Variants in CCDC171 observed in about 807,000 individuals in gnomAD.
CCDC171 encodes the protein coiled-coil domain containing 171.
A neutral mutation model predicts 168.2 loss-of-function variants in CCDC171; 177 were observed. The ratio of observed to expected loss-of-function variants is 1.05; its 90% CI spans 0.93 to 1.19. The LOEUF is 1.19. Among genes scored for constraint, CCDC171 ranks in the 50% most tolerant of loss-of-function variants. CCDC171 has a pLI of 0.00. For synonymous variants in CCDC171, 687 were observed against 540.8 expected (o/e 1.27, Z -3.75); for missense variants, 1,991 against 1,539.0 (o/e 1.29, Z -4.91).
intron 2 of CCDC171, among the ~76,000 whole-genome samples, chr9:15,568,231 C>T (rs189391156): frequency 2.7e-5 from 4 of 149,944 alleles, no homozygotes; most frequent in African/African-American, 7.4e-5. Context: ...ATTTCTTTTA[C>T]ATTGCATGAT....
At chr9:15,667,836 A>G (rs139631133) in intron 9 of CCDC171, among the ~76,000 whole-genome samples, 93 of 152,278 alleles carry the variant, frequency 6.1e-4, no homozygotes, top group Non-Finnish European at 1.0e-3. Context: ...TAAACCAATA[A>G]TTCTTAACTG....
chr9:15,609,282 T>A (rs2043475578), intron 6 of CCDC171, among the ~76,000 whole-genome samples: 1 of 152,064 alleles, frequency 6.6e-6, no homozygotes, highest in Non-Finnish European at 1.5e-5. Context: ...TATTTTTTTT[T>A]ATTTTTAGTA....
intron 6 of CCDC171, among the ~76,000 whole-genome samples, chr9:15,621,087 T>G (rs1564066908): frequency 6.6e-6 from 1 of 152,172 alleles, no homozygotes; most frequent in Non-Finnish European, 1.5e-5. Context: ...TGCCTCAGCC[T>G]CCCATAGTAG....
intron 18 of CCDC171, among the ~76,000 whole-genome samples, chr9:15,763,229 T>C (rs894898121): frequency 2.0e-5 from 3 of 152,196 alleles, no homozygotes; most frequent in Admixed American, 6.5e-5. Flanking sequence ...CTTCCCAATA[T>C]TGAGGTATGA....
chr9:15,740,229 A>G (rs1207657792), intron 16 of CCDC171, among the ~76,000 whole-genome samples: 2 of 152,110 alleles, frequency 1.3e-5, no homozygotes, highest in African/African-American at 4.8e-5. Flanking sequence ...ATAAAATGTC[A>G]GGTATAGATC....
At chr9:15,612,440 G>T (rs2043766177) in intron 6 of CCDC171, among the ~76,000 whole-genome samples, 1 of 152,038 alleles carries the variant, frequency 6.6e-6, no homozygotes, top group South Asian at 2.1e-4. Flanking sequence ...TGGTGTTTTA[G>T]GAGAGATGAT....
rs551082356 is a variant in CCDC171, at chr9:15,764,349, G to A, written c.2672-13251G>A. ...CTTCTATCAGTAGTTAAAGGTGTAG[G>A]TAGTAAGGGTGCAGTGTTCTAAGAT... is the stretch of plus-strand genomic sequence containing the variant. On this transcript the variant is annotated intron_variant, in intron 18 of 25. Coordinates refer to ENST00000380701, the MANE Select transcript of CCDC171 (RefSeq NM_173550.4). Among the ~76,000 whole-genome samples the A allele has an allele frequency of 2.6e-5, 4 of 152,322 alleles. No homozygotes were observed. The East Asian group carries it at 5.8e-4, about 22-fold the overall frequency.
the CCDC171 span, among the ~76,000 whole-genome samples, chr9:16,068,824 G>T: frequency 6.6e-6 from 1 of 150,744 alleles, no homozygotes; most frequent in Non-Finnish European, 1.5e-5. Context: ...CTCACACCCA[G>T]CTGCTAAATT....
At chr9:15,750,489 C>G (rs948968681) in intron 18 of CCDC171, among the ~76,000 whole-genome samples, 13 of 152,096 alleles carry the variant, frequency 8.5e-5, no homozygotes, top group African/African-American at 3.1e-4. Context: ...ATCCTGATAC[C>G]AAAGCCTGGC....
At chr9:16,022,428 G>C (rs1330672087) in exon 5 of CCDC171, 2 of 152,314 alleles carry the variant, frequency 1.3e-5, no homozygotes, top group Non-Finnish European at 2.9e-5. Flanking sequence ...CCCATCCTGT[G>C]GGATGCACCA....
intron 21 of CCDC171, among the ~76,000 whole-genome samples, chr9:15,784,984 A>G (rs1308799543): frequency 6.6e-6 from 1 of 152,074 alleles, no homozygotes; most frequent in East Asian, 1.9e-4. Context: ...TGTTTCTTTT[A>G]TCTTCTTTAT....
chr9:16,073,402 A>G, the CCDC171 span, among the ~76,000 whole-genome samples: 1 of 152,198 alleles, frequency 6.6e-6, no homozygotes, highest in Non-Finnish European at 1.5e-5. Flanking sequence ...TTATTTGCTG[A>G]AAGTTCTTTT....
chr9:16,039,753 C>G (rs1198312337), upstream of CCDC171, among the ~76,000 whole-genome samples: 1 of 152,168 alleles, frequency 6.6e-6, no homozygotes, highest in East Asian at 1.9e-4. Context: ...TGTCCCTCTT[C>G]TTGGAAATCA....
chr9:15,754,812 T>C (rs1340170445), intron 18 of CCDC171, among the ~76,000 whole-genome samples: 3 of 152,188 alleles, frequency 2.0e-5, no homozygotes, highest in African/African-American at 7.2e-5. Flanking sequence ...TAGAAGAGTC[T>C]TTGATTACTG....
intron 25 of CCDC171, among the ~76,000 whole-genome samples, chr9:15,922,457 C>G (rs1234261115): frequency 6.6e-6 from 1 of 151,568 alleles, no homozygotes; most frequent in Non-Finnish European, 1.5e-5. Flanking sequence ...AGAGCATGGG[C>G]TTTGGAGGTA....
chr9:15,775,142 A>G lies in CCDC171; in HGVS notation c.2672-2458A>G, dbSNP rs147138758. On this transcript the variant is annotated intron_variant, in intron 18 of 25. Transcript: ENST00000380701. The stretch of plus-strand genomic sequence containing the variant: ...CCCTCTGTACTGTATAATGTGAACT[A>G]TATTGTAAAAACACTTCTTATTATA... Among the ~76,000 whole-genome samples, 8 of 152,342 alleles carry G rather than the reference A, an allele frequency of 5.3e-5. No individual in the cohort carries two copies. In the East Asian group the frequency reaches 1.5e-3, roughly 29 times the overall value.
intron 7 of CCDC171, among the ~76,000 whole-genome samples, chr9:15,632,274 A>C (rs2045780756): frequency 1.3e-5 from 2 of 151,108 alleles, no homozygotes; most frequent in Non-Finnish European, 2.9e-5. Flanking sequence ...AGAAAACCCC[A>C]TCGTCTCAGC....
intron 5 of CCDC171, 101 bp from the exon 6 acceptor site, chr9:15,593,940 C>A: frequency 1.4e-6 from 1 of 720,074 alleles, no homozygotes; most frequent in Non-Finnish European, 2.4e-6. Flanking sequence ...TGAGTTTTAA[C>A]ATCTATAGGT....
chr9:15,801,505 T>C (rs900846451), intron 21 of CCDC171, among the ~76,000 whole-genome samples: 2 of 152,112 alleles, frequency 1.3e-5, no homozygotes, highest in Non-Finnish European at 2.9e-5. Flanking sequence ...TCAGTTCTAA[T>C]AGTTTTTTGG....
Sources: allele counts gnomAD v4.1 joint callset (sites outside exome capture counted in the v4.1 genomes callset), GRCh38; gene constraint gnomAD v4.1.1; transcripts MANE v1.5; gene names NCBI Gene and HGNC (gene_info 2026-07-23, HGNC 2026-07-21).